The following GHR variants were observed in gnomAD, a reference collection of about 807,000 sequenced individuals.
GHR encodes GH receptor.
In GHR, 35 loss-of-function variants were observed where a neutral mutation model predicts 67.1. That is an observed-to-expected ratio of 0.52 (90% CI 0.40 to 0.69). The LOEUF (loss-of-function observed/expected upper bound fraction) is 0.69. GHR is among the 30% of genes least tolerant of loss of function. The probability of loss-of-function intolerance (pLI) is 0.00; values close to 1 mark genes in which losing one functional copy is unlikely to be tolerated. For missense variants in GHR, 792 were observed against 764.6 expected, an observed-to-expected ratio of 1.04 and a Z score of -0.42; for synonymous variants, 272 against 269.1, an observed-to-expected ratio of 1.01 and a Z score of -0.10.
At chr5:42,635,391 A>C (rs986843442) in intron 3 of GHR, among the ~76,000 whole-genome samples, 7 of 152,230 alleles carry the variant, frequency 4.6e-5, no homozygotes, top group African/African-American at 1.7e-4. Context: ...ACAGCCCAAG[A>C]GAGTGAAGAA....
intron 3 of GHR, among the ~76,000 whole-genome samples, chr5:42,657,168 G>A (rs549737458): frequency 2.0e-5 from 3 of 152,208 alleles, no homozygotes; most frequent in South Asian, 4.1e-4. Context: ...TCTCAGTTTA[G>A]TGACCATGAT....
In GHR at chr5:42,560,670, G is replaced by A. The variant is rs140990261; in HGVS notation, c.-11-5194G>A. Among the ~76,000 whole-genome samples, 163 of 152,096 alleles carry A rather than the reference G, an allele frequency of 1.1e-3. 4 individuals are homozygous for A. In the East Asian group the frequency reaches 0.022, roughly 21 times the overall value. ...TCTTACCTTCAGCTTCCCACTAGCCGTTTCTCACATTTCCAAAAGTCTTGT... is the reference window on the plus strand; with the variant it reads ...TCTTACCTTCAGCTTCCCACTAGCCATTTCTCACATTTCCAAAAGTCTTGT... On this transcript the variant is annotated intron_variant, in intron 1 of 9. Transcript: ENST00000230882.
chr5:42,549,013 A>AG (rs1748879945), intron 1 of GHR, among the ~76,000 whole-genome samples: 1 of 152,224 alleles, frequency 6.6e-6, no homozygotes, highest in Admixed American at 6.5e-5. Flanking sequence ...TTACATTAAG[A>AG]AAAGTATTGT....
chr5:42,435,677 C>A (rs1447543610), intron 1 of GHR, among the ~76,000 whole-genome samples: 1 of 152,182 alleles, frequency 6.6e-6, no homozygotes, highest in East Asian at 1.9e-4. Context: ...TAACTAAAAT[C>A]CAGACTTCAT....
chr5:42,512,929 TGTA>T (rs1747080427), intron 1 of GHR, among the ~76,000 whole-genome samples: 1 of 152,212 alleles, frequency 6.6e-6, no homozygotes, highest in Non-Finnish European at 1.5e-5. Context: ...GCAACATTTT[TGTA>T]TACCCTGAGG....
chr5:42,455,358 C>T (rs1165656413), intron 1 of GHR, among the ~76,000 whole-genome samples: 2 of 152,132 alleles, frequency 1.3e-5, no homozygotes, highest in Non-Finnish European at 2.9e-5. Context: ...TGAGTCTCCA[C>T]ACACTGTTCT....
intron 2 of GHR, among the ~76,000 whole-genome samples, chr5:42,612,885 C>T (rs1418383007): frequency 6.6e-6 from 1 of 152,060 alleles, no homozygotes; most frequent in Non-Finnish European, 1.5e-5. Context: ...GTTAGAAACT[C>T]TCAGCCTAAC....
At position 42,628,884 on chromosome 5, in the gene GHR, T is replaced by A. The variant is rs944488742; in HGVS notation, c.71-154T>A. ...AGGTATATCCAACCTGCCTTCCCAT[T>A]GTGGCCAGGAACCTTTCTCTGGAGT... is the stretch of plus-strand genomic sequence containing the variant. On this transcript the variant is annotated intron_variant, in intron 2 of 9. Transcript: ENST00000230882. Among the ~76,000 whole-genome samples the A allele has an allele frequency of 4.6e-5, 6 of 131,642 alleles. 2 individuals are homozygous for A. The highest frequency in any genetic ancestry group is 1.9e-4 in the African/African-American group (6 of 31,242). 86.4% of individuals were successfully genotyped at this position (131,642 alleles called of 152,430 possible).
At chr5:42,686,821 T>C (rs981403820) in intron 3 of GHR, among the ~76,000 whole-genome samples, 5 of 152,140 alleles carry the variant, frequency 3.3e-5, no homozygotes, top group Admixed American at 2.0e-4. Context: ...TTCAAAACTC[T>C]GGCGAGGGCA....
intron 1 of GHR, among the ~76,000 whole-genome samples, chr5:42,454,270 T>C (rs1744168322): frequency 6.6e-6 from 1 of 152,210 alleles, no homozygotes; most frequent in Non-Finnish European, 1.5e-5. Flanking sequence ...CTTTCTCAAA[T>C]GCTAGTTATG....
intron 1 of GHR, among the ~76,000 whole-genome samples, chr5:42,459,286 G>GAT (rs1744387882): frequency 1.3e-5 from 2 of 152,120 alleles, no homozygotes; most frequent in Non-Finnish European, 2.9e-5. Context: ...TAGTAGACTG[G>GAT]ATAAAGAAAA....
At chr5:42,642,261 C>T (rs1355528958) in intron 3 of GHR, among the ~76,000 whole-genome samples, 2 of 152,148 alleles carry the variant, frequency 1.3e-5, no homozygotes, top group Non-Finnish European at 2.9e-5. Context: ...AAGATCCGTA[C>T]AATGAATTTC....
intron 1 of GHR, among the ~76,000 whole-genome samples, chr5:42,530,327 T>C (rs1331192194): frequency 6.6e-6 from 1 of 152,152 alleles, no homozygotes; most frequent in Non-Finnish European, 1.5e-5. Context: ...ACTGACAAAA[T>C]CCAAGTCTTA....
intron 3 of GHR, among the ~76,000 whole-genome samples, chr5:42,684,055 A>C (rs74294217): frequency 0.017 from 2,652 of 152,208 alleles, 139 homozygotes; most frequent in South Asian, 0.15. Flanking sequence ...ATTATGTAAC[A>C]GGCATATTTT....
intron 1 of GHR, among the ~76,000 whole-genome samples, chr5:42,500,152 C>T (rs1046135730): frequency 1.2e-4 from 19 of 152,232 alleles, no homozygotes; most frequent in African/African-American, 2.9e-4. Context: ...CTACGCCAGT[C>T]GAGTGTGGGC....
chr5:42,470,101 TC>T (rs1744935343), intron 1 of GHR, among the ~76,000 whole-genome samples: 1 of 147,008 alleles, frequency 6.8e-6, no homozygotes, highest in Non-Finnish European at 1.5e-5. Flanking sequence ...ATATTATATG[TC>T]AATAATAAAA....
At chr5:42,699,777 A>G (rs1199993841) in intron 5 of GHR, 47 bp from the exon 6 acceptor site, 2 of 1,263,904 alleles carry the variant, frequency 1.6e-6, no homozygotes, top group African/African-American at 2.9e-5. Context: ...TTCCATTAAT[A>G]TTAAATTGTG....
intron 1 of GHR, among the ~76,000 whole-genome samples, chr5:42,536,961 A>G (rs1333706142): frequency 5.9e-5 from 9 of 152,100 alleles, no homozygotes; most frequent in Admixed American, 5.9e-4. Flanking sequence ...AGGTGTTCAT[A>G]GTACTCTTGA....
chr5:42,448,601 T>TATC, intron 1 of GHR, among the ~76,000 whole-genome samples: 1 of 149,152 alleles, frequency 6.7e-6, no homozygotes, highest in Non-Finnish European at 1.5e-5. Flanking sequence ...TTATTATTAT[T>TATC]ATTATTATTA....
Sources: gnomAD v4.1 joint callset for allele counts (sites outside exome capture counted in the v4.1 genomes callset) on GRCh38, gnomAD v4.1.1 for gene constraint, MANE v1.5 for transcripts, NCBI Gene and HGNC (gene_info 2026-07-23, HGNC 2026-07-21) for gene names.